Variants in DUSP10 observed in about 807,000 individuals in gnomAD.
DUSP10 encodes dual specificity phosphatase 10.
In DUSP10, 14 loss-of-function variants were observed where a neutral mutation model predicts 30.8. The ratio of observed to expected loss-of-function variants is 0.46; its 90% CI spans 0.30 to 0.71. DUSP10 has a LOEUF of 0.71. Among genes scored for constraint, DUSP10 ranks in the 30% least tolerant of loss-of-function variants. DUSP10 has a pLI of 0.08. For synonymous variants in DUSP10, 254 were observed against 250.4 expected (o/e 1.01, Z -0.14); for missense variants, 550 against 619.4 (o/e 0.89, Z 1.19).
At chr1:221,715,762 C>T (rs1260870871) in intron 2 of DUSP10, among the ~76,000 whole-genome samples, 1 of 152,198 alleles carries the variant, frequency 6.6e-6, no homozygotes, top group Non-Finnish European at 1.5e-5. Context: ...TTTTAATGAG[C>T]AGATGACTTT....
At chr1:221,740,639 T>C (rs1301165405) in intron 1 of DUSP10, among the ~76,000 whole-genome samples, 1 of 152,040 alleles carries the variant, frequency 6.6e-6, no homozygotes, top group Admixed American at 6.5e-5. Context: ...CCTCTTCATC[T>C]CCCTGGCTGG....
chr1:221,721,481 G>A (rs536190570), intron 2 of DUSP10, among the ~76,000 whole-genome samples: 32 of 152,294 alleles, frequency 2.1e-4, no homozygotes, highest in East Asian at 5.8e-4. Context: ...TGCAGGACTC[G>A]CCAGGTGAAT....
chr1:221,737,432 T>A, intron 2 of DUSP10: 1 of 985,308 alleles, frequency 1.0e-6, no homozygotes, highest in South Asian at 4.7e-5. Flanking sequence ...GTAAATATCC[T>A]GGGAATCACT....
chr1:221,730,189 A>G (rs552179185), intron 2 of DUSP10, among the ~76,000 whole-genome samples: 1 of 152,312 alleles, frequency 6.6e-6, no homozygotes, highest in East Asian at 1.9e-4. Context: ...AAAGAATGTG[A>G]GATTATTTCT....
intron 2 of DUSP10, among the ~76,000 whole-genome samples, chr1:221,719,640 C>A (rs1157766556): frequency 6.6e-6 from 1 of 152,192 alleles, no homozygotes; most frequent in Non-Finnish European, 1.5e-5. Context: ...GTCAGTTCAA[C>A]CTGGGGCACG....
rs750414647 is a variant in DUSP10, at chr1:221,739,135, T to G, written c.610A>C (p.Arg204=). The part of the protein sequence containing the change: ...INCADKISRR[R]LQQGKITVLD... Reference sequence around the variant, plus strand: ...ACAGTGATCTTGCCCTGCTGCAGTCTCCGCCGGCTGATCTTATCGGCACAG... The same window carrying G: ...ACAGTGATCTTGCCCTGCTGCAGTCGCCGCCGGCTGATCTTATCGGCACAG... The change falls in exon 2 of 4, where the codon AGA becomes CGA. Residue 204 remains arginine, a synonymous_variant. Coordinates refer to ENST00000366899, the MANE Select transcript of DUSP10 (RefSeq NM_007207.6). The G allele has an allele frequency of 6.2e-7, 1 of 1,614,224 alleles. No homozygotes were observed. The highest frequency in any genetic ancestry group is 1.1e-5 in the South Asian group (1 of 91,080).
rs775237662 is a variant in DUSP10 at position 221,702,409 on chromosome 1, T to C, written c.*3A>G. On this transcript the variant is annotated 3_prime_UTR_variant, in exon 4 of 4. Coordinates refer to ENST00000366899, the MANE Select transcript of DUSP10 (RefSeq NM_007207.6). The surrounding 1 kb of genome is among the most constrained non-coding windows in gnomAD (Gnocchi z 4.5). ...GCAGCAATCCTTTCCATCCAGACCA[T>C]TGTCACACAACCGTCTCCACGCCCA... The C allele has an allele frequency of 2.8e-5, 45 of 1,613,524 alleles. 1 individual carries two copies. The highest frequency in any genetic ancestry group is 2.0e-4 in the African/African-American group (15 of 74,840).
intron 1 of DUSP10, 109 bp from the exon 2 acceptor site, chr1:221,739,896 T>G: frequency 8.6e-7 from 1 of 1,164,350 alleles, no homozygotes; most frequent in Non-Finnish European, 1.2e-6. Context: ...AAAGTCGTCC[T>G]AATTGCCCTT....
chr1:221,705,111 G>GGTTTTTTT (rs59522738), intron 3 of DUSP10, among the ~76,000 whole-genome samples: 1 of 142,002 alleles, frequency 7.0e-6, no homozygotes. Flanking sequence ...TATTTTGAGT[G>GGTTTTTTT]TTTTTTTTTT....
chr1:221,737,186 G>A, intron 2 of DUSP10: 4 of 985,384 alleles, frequency 4.1e-6, no homozygotes, highest in Non-Finnish European at 4.8e-6. Context: ...ATGATTAGGA[G>A]GTCTAGGATC....
In DUSP10 at chr1:221,702,731, G is replaced by A. The variant is rs116356755; in HGVS notation, c.1184-54C>T. Reference sequence around the variant, plus strand: ...AAGGGAAGATGGAAGAGAGAGGCACGGAGAGAGAAACTTTCATCTCAACTT... The same window carrying A: ...AAGGGAAGATGGAAGAGAGAGGCACAGAGAGAGAAACTTTCATCTCAACTT... On this transcript the variant is annotated intron_variant, in intron 3 of 3. Coordinates refer to ENST00000366899, the MANE Select transcript of DUSP10 (RefSeq NM_007207.6). This position sits in a 1 kb window ranked among gnomAD's most constrained non-coding sequence, Gnocchi z 4.5. 1.8e-4 allele frequency: 290 copies of A among 1,576,366 alleles called. No homozygotes were observed. The African/African-American group carries it at 3.3e-3, about 18-fold the overall frequency.
chr1:221,737,611 C>A (rs1661816140), intron 2 of DUSP10, among the ~76,000 whole-genome samples: 1 of 152,222 alleles, frequency 6.6e-6, no homozygotes, highest in South Asian at 2.1e-4. Context: ...TCCTTCCCAG[C>A]AAAGCCCACC....
rs370364280 is a variant in DUSP10, at chr1:221,739,214, G to A, written c.531C>T (p.Cys177=). 1.7e-5 allele frequency: 28 copies of A among 1,614,100 alleles called. No individual in the cohort carries two copies. In the African/African-American group the frequency reaches 3.7e-4, roughly 22 times the overall value. Residue 177 remains cysteine (C), a synonymous_variant, in exon 2 of 4, where the codon TGC becomes TGT. Coordinates refer to ENST00000366899, the MANE Select transcript of DUSP10 (RefSeq NM_007207.6). ...TCTTGTTGTACTCCATGAAGGGCCT[G>A]CAGTCAATGATGACAGGGCCCTGAC... ...LPSQGPVIID[C]RPFMEYNKSH...
rs150773170 is a variant in DUSP10 at position 221,717,064 on chromosome 1, A to C, written c.812-10598T>G. Among the ~76,000 whole-genome samples, 38 of 152,278 alleles carry C rather than the reference A, an allele frequency of 2.5e-4. No homozygotes were observed. In the East Asian group the frequency reaches 4.8e-3, roughly 19 times the overall value. On this transcript the variant is annotated intron_variant, in intron 2 of 3. Coordinates refer to ENST00000366899, the MANE Select transcript of DUSP10 (RefSeq NM_007207.6). ...ACACAGATTCCAGAAGGCAGTCACA[A>C]ATTAAGATAAGTCATAACGGAAGAC...
chr1:221,731,600 C>CT lies in DUSP10; in HGVS notation c.811+7333dup, dbSNP rs917122714. 5.1e-3 allele frequency among the ~76,000 whole-genome samples: 609 copies of CT among 119,216 alleles called. 1 individual carries two copies. The highest frequency in any genetic ancestry group is 6.8e-3 in the Non-Finnish European group (392 of 57,234). 78.2% of individuals were successfully genotyped at this position (119,216 alleles called of 152,430 possible). A position where few individuals can be genotyped will look rare whatever the true frequency, so the allele number is the denominator to read the frequency against. ...ATATTTAGAAAAGGCTAGGCTATTT[C>CT]TTTTTTTTTTTTTTTTTTTTTCTTT... On this transcript the variant is annotated intron_variant, in intron 2 of 3. Transcript: ENST00000366899.
In DUSP10 at chr1:221,702,876, A is replaced by G. The variant is rs917460078; in HGVS notation, c.1184-199T>C. Among the ~76,000 whole-genome samples, 3 of 152,248 alleles carry G rather than the reference A, an allele frequency of 2.0e-5. No homozygotes were observed. Among genetic ancestry groups the G allele is most frequent in the African/African-American group, 7.2e-5 (3 of 41,462 alleles). On this transcript the variant is annotated intron_variant, in intron 3 of 3. Coordinates refer to ENST00000366899, the MANE Select transcript of DUSP10 (RefSeq NM_007207.6). This position sits in a 1 kb window ranked among gnomAD's most constrained non-coding sequence, Gnocchi z 4.5. ...TCCAGAACTGGCTAAAGTTGATATC[A>G]GCACGAACAAGAAGCTATACATCTA...
intron 1 of DUSP10, among the ~76,000 whole-genome samples, chr1:221,740,646 C>T (rs1005154669): frequency 1.4e-4 from 22 of 152,194 alleles, no homozygotes; most frequent in Admixed American, 1.3e-3. Context: ...ATCTCCCTGG[C>T]TGGCACAGAC....
At chr1:221,740,694 C>T (rs1212987683) in intron 1 of DUSP10, among the ~76,000 whole-genome samples, 1 of 152,204 alleles carries the variant, frequency 6.6e-6, no homozygotes, top group Non-Finnish European at 1.5e-5. Context: ...GAGGCAGCCA[C>T]GTTGTATAAG....
intron 3 of DUSP10, among the ~76,000 whole-genome samples, chr1:221,705,467 G>T (rs190667398): frequency 6.6e-6 from 1 of 152,290 alleles, no homozygotes; most frequent in East Asian, 1.9e-4. Flanking sequence ...TTAAGATTAG[G>T]ATTAGGCTAA....
Sources: gnomAD v4.1 joint callset for allele counts (sites outside exome capture counted in the v4.1 genomes callset) on GRCh38, gnomAD v4.1.1 for gene constraint, Gnocchi (gnomAD v3.1) non-coding constraint, MANE v1.5 for transcripts, NCBI Gene and HGNC (gene_info 2026-07-23, HGNC 2026-07-21) for gene names.